The following FREM2 variants were observed in gnomAD, a reference collection of about 807,000 sequenced individuals.
The protein encoded by FREM2 is FRAS1 related extracellular matrix 2, also known as FRAS1-related extracellular matrix protein 2.
A neutral mutation model predicts 219.9 loss-of-function variants in FREM2; 119 were observed. The observed-to-expected ratio is 0.54, with a 90% CI of 0.47 to 0.63. The LOEUF (loss-of-function observed/expected upper bound fraction) is 0.63, where lower values mean the gene tolerates loss of function less well. Among genes scored for constraint, FREM2 ranks in the 30% least tolerant of loss-of-function variants. The probability of loss-of-function intolerance (pLI) is 0.00; values close to 1 mark genes in which losing one functional copy is unlikely to be tolerated. For synonymous variants in FREM2, 1,562 were observed against 1,522.8 expected, an observed-to-expected ratio of 1.03 and a Z score of -0.60; for missense variants, 4,030 against 3,993.6, an observed-to-expected ratio of 1.01 and a Z score of -0.25.
Position 38,887,117 on chromosome 13 carries a change from C to T in FREM2, c.*6330C>T, listed in dbSNP as rs1174817549. 1.3e-5 allele frequency: 2 copies of T among 152,064 alleles called. No homozygotes were observed. Among genetic ancestry groups the T allele is most frequent in the African/African-American group, 4.8e-5 (2 of 41,396 alleles). The allele number at this position is 152,064 out of a possible 1,614,324, so 9.4% of individuals were successfully genotyped here. A position where few individuals can be genotyped will look rare whatever the true frequency, so the allele number is the denominator to read the frequency against. On this transcript the variant is annotated 3_prime_UTR_variant, in exon 24 of 24. Coordinates refer to ENST00000280481, the MANE Select transcript of FREM2 (RefSeq NM_207361.6). The stretch of plus-strand genomic sequence containing the variant: ...ACCAAGTGTGTAATATAAATAAAGC[C>T]CATATCAATATAAATGTTCAAATGG...
Position 38,846,713 on chromosome 13 carries a change from T to G in FREM2, c.6160T>G (p.Ser2054Ala). Residue 2054 changes from serine to alanine, a missense_variant, in exon 7 of 24, where the codon TCT becomes GCT. Ser to Ala is a moderately conservative substitution (Grantham distance 99, BLOSUM62 1). Transcript: ENST00000280481. ...TVRSRKTDPPSADAGTDYVGI... is the reference protein window; with the variant it reads ...TVRSRKTDPPAADAGTDYVGI... ...GAGGTCTCGGAAAACAGATCCTCCC[T>G]CTGCAGATGGTGAGCAGTTTCCCAC... The G allele has an allele frequency of 8.7e-6, 14 of 1,613,782 alleles. No individual in the cohort carries two copies. The highest frequency in any genetic ancestry group is 1.3e-5 in the African/African-American group (1 of 75,036).
chr13:38,878,192 T>C lies in FREM2; in HGVS notation c.8730T>C (p.Phe2910=), dbSNP rs761473114. 2.8e-5 allele frequency: 45 copies of C among 1,613,870 alleles called. No individual in the cohort carries two copies. Among genetic ancestry groups the C allele is most frequent in the Non-Finnish European group, 3.8e-5 (45 of 1,179,866 alleles). The change falls in exon 22 of 24, where the codon TTT becomes TTC. Residue 2910 remains phenylalanine (F), a synonymous_variant. Coordinates refer to ENST00000280481, the MANE Select transcript of FREM2 (RefSeq NM_207361.6). ...VDPVQNLGDS[F]YCSIEKVFLC... ...CTGTCCAGAATCTGGGTGACTCCTT[T>C]TACTGCAGCATTGAGAAGGTGTTTC...
intron 6 of FREM2, among the ~76,000 whole-genome samples, chr13:38,832,211 C>T (rs1363597750): frequency 1.3e-5 from 2 of 151,918 alleles, no homozygotes; most frequent in East Asian, 3.9e-4. Flanking sequence ...TTGCTGTGAG[C>T]CAAGATCTCA....
intron 1 of FREM2, among the ~76,000 whole-genome samples, chr13:38,697,036 A>G (rs905373762): frequency 6.6e-6 from 1 of 152,104 alleles, no homozygotes; most frequent in South Asian, 2.1e-4. Context: ...CTGACCTCAC[A>G]TAATCCACCT....
At chr13:38,724,245 A>G (rs1871419129) in intron 2 of FREM2, among the ~76,000 whole-genome samples, 2 of 152,236 alleles carry the variant, frequency 1.3e-5, no homozygotes, top group Admixed American at 6.5e-5. Flanking sequence ...GTGGAAAACT[A>G]ACCCTGGTTT....
Position 38,805,453 on chromosome 13 carries a change from G to A in FREM2, c.6019+20645G>A, listed in dbSNP as rs1041130620. On this transcript the variant is annotated intron_variant, in intron 6 of 23. Coordinates refer to ENST00000280481, the MANE Select transcript of FREM2 (RefSeq NM_207361.6). ...TAGGGAAAGAAAGATGGAAGAAGAT[G>A]AGACTCTATTTAAACATACTAAGAT... 1.5e-4 allele frequency among the ~76,000 whole-genome samples: 23 copies of A among 152,048 alleles called. No homozygotes were observed. The Middle Eastern group carries it at 0.01, about 68-fold the overall frequency.
At chr13:38,783,028 G>A (rs761712473) in intron 4 of FREM2, 42 bp from the exon 5 acceptor site, 2 of 1,609,508 alleles carry the variant, frequency 1.2e-6, no homozygotes, top group South Asian at 1.1e-5. Flanking sequence ...GAGGTAAGAA[G>A]CTCAGACAAA....
In FREM2 at chr13:38,752,204, T is replaced by C. The variant is rs142358822; in HGVS notation, c.5264-12100T>C. Among the ~76,000 whole-genome samples the C allele has an allele frequency of 2.0e-3, 311 of 152,206 alleles. 1 individual carries two copies. Among genetic ancestry groups the C allele is most frequent in the African/African-American group, 7.2e-3 (298 of 41,540 alleles). The stretch of plus-strand genomic sequence containing the variant: ...ACCACATTGTCACTTCCCACCCTGC[T>C]TTCTCTTTCCCTCCTTCTCTCCTTC... On this transcript the variant is annotated intron_variant, in intron 2 of 23. Coordinates refer to ENST00000280481, the MANE Select transcript of FREM2 (RefSeq NM_207361.6).
intron 2 of FREM2, among the ~76,000 whole-genome samples, chr13:38,698,062 T>G (rs1317611161): frequency 1.3e-5 from 2 of 152,178 alleles, no homozygotes; most frequent in Non-Finnish European, 2.9e-5. Context: ...CATGTCTAGT[T>G]GTTCAGATTA....
chr13:38,879,002 T>C, intron 23 of FREM2, 25 bp downstream of exon 23: 1 of 1,612,808 alleles, frequency 6.2e-7, no homozygotes, highest in South Asian at 1.1e-5. Context: ...AGCTCATTTG[T>C]AGTAGTTGTG....
chr13:38,737,022 A>C (rs182459065), intron 2 of FREM2, among the ~76,000 whole-genome samples: 3 of 152,262 alleles, frequency 2.0e-5, no homozygotes, highest in East Asian at 3.9e-4. Context: ...TGGATTGAGC[A>C]CATTCTCATC....
In FREM2 at chr13:38,861,468, A is replaced by G; in HGVS notation, c.7557A>G (p.Ala2519=). ...CCCGTGTACCTGGGGTTGTTGGAGC[A>G]GAGCCGTTCTCAGCTAAATTGCGCT... ...CQPRVPGVVG[A]EPFSAKLRYT... The change falls in exon 15 of 24, where the codon GCA becomes GCG. Residue 2519 remains alanine (A), a synonymous_variant. Transcript: ENST00000280481. 6.2e-7 allele frequency: 1 copy of G among 1,609,062 alleles called. No homozygotes were observed. Among genetic ancestry groups the G allele is most frequent in the Non-Finnish European group, 8.5e-7 (1 of 1,176,804 alleles).
intron 2 of FREM2, among the ~76,000 whole-genome samples, chr13:38,723,969 T>C (rs1871405432): frequency 1.3e-5 from 2 of 152,220 alleles, no homozygotes; most frequent in Admixed American, 6.5e-5. Context: ...AAGAGTACCC[T>C]GACTCTGCAG....
At chr13:38,836,851 G>C (rs9548472) in intron 6 of FREM2, among the ~76,000 whole-genome samples, 39,766 of 151,764 alleles carry the variant, frequency 0.26, 6,950 homozygotes, top group African/African-American at 0.49. Context: ...CTTTATTAGT[G>C]TGGCTAGTGG....
At chr13:38,786,821 C>G (rs1187469731) in intron 6 of FREM2, among the ~76,000 whole-genome samples, 1 of 151,986 alleles carries the variant, frequency 6.6e-6, no homozygotes, top group Non-Finnish European at 1.5e-5. Flanking sequence ...AAAGATGATG[C>G]CATTATCCCT....
intron 6 of FREM2, among the ~76,000 whole-genome samples, chr13:38,795,224 GTAGCCAA>G (rs1874722498): frequency 6.6e-6 from 1 of 151,964 alleles, no homozygotes; most frequent in Non-Finnish European, 1.5e-5. Flanking sequence ...GTTTCTGAGG[GTAGCCAA>G]TATTGCAGTC....
chr13:38,688,778 A>C lies in FREM2; in HGVS notation c.1434A>C (p.Ala478=), dbSNP rs750457801. The change falls in exon 1 of 24, where the codon GCA becomes GCC. Residue 478 remains alanine, a synonymous_variant. Transcript: ENST00000280481. ...TCAGCGATGAGGATGACCTAGAAGC[A>C]GTGCGGCTAGAGGTGGTGGCTGGGC... ...LVISDEDDLE[A]VRLEVVAGLR... is the part of the protein sequence containing the mutation. 9 of 1,613,984 alleles carry C rather than the reference A, an allele frequency of 5.6e-6. No individual in the cohort carries two copies. In the Admixed American group the frequency reaches 1.5e-4, roughly 27 times the overall value.
intron 11 of FREM2, 90 bp from the exon 12 acceptor site, chr13:38,856,036 A>C: frequency 4.1e-4 from 325 of 797,188 alleles, no homozygotes; most frequent in Non-Finnish European, 5.9e-4. Flanking sequence ...TTCTCATTGT[A>C]GGCCACAGTA....
chr13:38,857,306 A>C (rs2137918125), intron 12 of FREM2, among the ~76,000 whole-genome samples: 1 of 152,224 alleles, frequency 6.6e-6, no homozygotes, highest in South Asian at 2.1e-4. Context: ...TGTTCTTGTC[A>C]CCTTGCCCAG....
Sources: allele counts gnomAD v4.1 joint callset (sites outside exome capture counted in the v4.1 genomes callset), GRCh38; gene constraint gnomAD v4.1.1; transcripts MANE v1.5; gene names NCBI Gene and HGNC (gene_info 2026-07-23, HGNC 2026-07-21).